The following WWTR1 variants were observed in gnomAD, a reference collection of about 807,000 sequenced individuals.
The protein encoded by WWTR1 is WW domain containing transcription regulator 1.
A neutral mutation model predicts 40.1 loss-of-function variants in WWTR1; 13 were observed. The ratio of observed to expected loss-of-function variants is 0.32; its 90% CI spans 0.21 to 0.52. The LOEUF (loss-of-function observed/expected upper bound fraction) is 0.52, where lower values mean the gene tolerates loss of function less well. Among genes scored for constraint, WWTR1 ranks in the 20% least tolerant of loss-of-function variants. The probability of loss-of-function intolerance (pLI) is 0.97; values close to 1 mark genes in which losing one functional copy is unlikely to be tolerated. For synonymous variants in WWTR1, 230 were observed against 210.1 expected, an observed-to-expected ratio of 1.09 and a Z score of -0.82; for missense variants, 436 against 523.1, an observed-to-expected ratio of 0.83 and a Z score of 1.63.
intron 2 of WWTR1, among the ~76,000 whole-genome samples, chr3:149,597,364 A>G (rs760467929): frequency 6.6e-6 from 1 of 150,416 alleles, no homozygotes; most frequent in African/African-American, 2.4e-5. Context: ...TGGAATGCCA[A>G]GATGGGTGAT....
At chr3:149,571,267 G>A (rs1035959081) in intron 3 of WWTR1, among the ~76,000 whole-genome samples, 4 of 105,586 alleles carry the variant, frequency 3.8e-5, no homozygotes, top group Admixed American at 1.2e-4. Flanking sequence ...ATTTTTTTCC[G>A]ATTATAATTG....
At chr3:149,660,842 T>C (rs556401801), upstream of WWTR1, among the ~76,000 whole-genome samples, 1 of 152,370 alleles carries the variant, frequency 6.6e-6, no homozygotes, top group Admixed American at 6.5e-5. Flanking sequence ...TGCTACATTA[T>C]GCAAGTAGCT....
In WWTR1 at chr3:149,656,775, TCTCTCTCTCTCTCTCTCACA is replaced by T. The variant is rs1713236104; in HGVS notation, c.431+81_431+100del. 5.9e-6 allele frequency: 6 copies of T among 1,016,690 alleles called. No individual in the cohort carries two copies. In the African/African-American group the frequency reaches 9.0e-5, roughly 15 times the overall value. The allele number at this position is 1,016,690 out of a possible 1,614,324, so 63.0% of individuals were successfully genotyped here. ...CACCATCTCTCTCTTTCTCTCTCTC[TCTCTCTCTCTCTCTCTCACA>T]CACACACACACACACACACGAACAC... On this transcript the variant is annotated intron_variant, in intron 2 of 6. Coordinates refer to ENST00000360632, the MANE Select transcript of WWTR1 (RefSeq NM_015472.6).
chr3:149,610,158 A>G (rs1331085406), intron 2 of WWTR1, among the ~76,000 whole-genome samples: 1 of 152,244 alleles, frequency 6.6e-6, no homozygotes, highest in Non-Finnish European at 1.5e-5. Context: ...CTGCCATTAT[A>G]TACTATACAT....
intron 2 of WWTR1, among the ~76,000 whole-genome samples, chr3:149,665,227 C>CTTTCTT (rs1713765091): frequency 7.8e-6 from 1 of 128,278 alleles, no homozygotes; most frequent in African/African-American, 2.9e-5. Context: ...TCCTTTCTTT[C>CTTTCTT]TTTTTTTTTT....
At chr3:149,615,800 G>A (rs1201398734) in intron 2 of WWTR1, among the ~76,000 whole-genome samples, 1 of 152,134 alleles carries the variant, frequency 6.6e-6, no homozygotes, top group Non-Finnish European at 1.5e-5. Context: ...GAGGGGTAGC[G>A]GCCACACCAC....
intron 1 of WWTR1, among the ~76,000 whole-genome samples, chr3:149,691,378 C>CT (rs1008471265): frequency 2.4e-3 from 356 of 147,198 alleles, no homozygotes; most frequent in African/African-American, 5.7e-3. Flanking sequence ...ATGAAAATTT[C>CT]TTTTTTTTTT....
At chr3:149,663,917 C>A (rs1007122797) in intron 2 of WWTR1, among the ~76,000 whole-genome samples, 4 of 152,224 alleles carry the variant, frequency 2.6e-5, no homozygotes, top group Admixed American at 6.5e-5. Flanking sequence ...AAGAGAACTT[C>A]ACTTTCTTTT....
At chr3:149,635,280 A>G (rs1213971702) in intron 2 of WWTR1, among the ~76,000 whole-genome samples, 18 of 152,192 alleles carry the variant, frequency 1.2e-4, no homozygotes. Flanking sequence ...ATCTCCCTTC[A>G]AAGTGATGAA....
chr3:149,693,866 A>C (rs1714897855), intron 1 of WWTR1, among the ~76,000 whole-genome samples: 1 of 152,212 alleles, frequency 6.6e-6, no homozygotes. Context: ...TGATATATAA[A>C]AATCAAATAT....
chr3:149,562,918 C>T (rs568724117), intron 3 of WWTR1, among the ~76,000 whole-genome samples: 83 of 152,130 alleles, frequency 5.5e-4, no homozygotes, highest in African/African-American at 1.9e-3. Context: ...AGCAATATTA[C>T]CAGGGACGCC....
intron 3 of WWTR1, chr3:149,724,612 A>G (rs1176450282): frequency 6.6e-6 from 1 of 152,178 alleles, no homozygotes; most frequent in East Asian, 1.9e-4. Context: ...ATGTGATTTC[A>G]GAAGGTTCAT....
At chr3:149,704,740 A>G (rs1160058825), upstream of WWTR1, among the ~76,000 whole-genome samples, 2 of 152,000 alleles carry the variant, frequency 1.3e-5, no homozygotes, top group Non-Finnish European at 2.9e-5. Flanking sequence ...AGCTTCATCC[A>G]TGGCACAGAG....
At chr3:149,699,317 G>T (rs1267699914) in intron 1 of WWTR1, among the ~76,000 whole-genome samples, 1 of 147,888 alleles carries the variant, frequency 6.8e-6, no homozygotes, top group African/African-American at 2.5e-5. Flanking sequence ...TTTTGAGATG[G>T]AGTTTCGCTC....
At chr3:149,640,249 C>T (rs1420703639) in intron 2 of WWTR1, among the ~76,000 whole-genome samples, 3 of 152,154 alleles carry the variant, frequency 2.0e-5, no homozygotes. Context: ...CACCCAATCT[C>T]CTCTGCTCAA....
intron 2 of WWTR1, among the ~76,000 whole-genome samples, chr3:149,650,525 T>C (rs1372306110): frequency 1.3e-5 from 2 of 152,214 alleles, no homozygotes; most frequent in Non-Finnish European, 2.9e-5. Context: ...AAGTTCCATA[T>C]GCATATAATT....
chr3:149,716,319 G>T (rs1376006457), intron 5 of WWTR1, among the ~76,000 whole-genome samples: 1 of 151,110 alleles, frequency 6.6e-6, no homozygotes, highest in Non-Finnish European at 1.5e-5. Context: ...AAGGCAGAGG[G>T]TGCAGTGAGC....
At chr3:149,571,966 G>A (rs1047783232) in intron 3 of WWTR1, among the ~76,000 whole-genome samples, 12 of 152,110 alleles carry the variant, frequency 7.9e-5, no homozygotes, top group Non-Finnish European at 1.2e-4. Flanking sequence ...ATCTCTAGTG[G>A]GGATAATTTT....
At chr3:149,713,542 G>A (rs913311057) in intron 5 of WWTR1, among the ~76,000 whole-genome samples, 5 of 151,854 alleles carry the variant, frequency 3.3e-5, no homozygotes, top group African/African-American at 9.7e-5. Flanking sequence ...CACCACGCCC[G>A]ACTAATTTTT....
Sources: gnomAD v4.1 joint callset for allele counts (sites outside exome capture counted in the v4.1 genomes callset) on GRCh38, gnomAD v4.1.1 for gene constraint, MANE v1.5 for transcripts, NCBI Gene and HGNC (gene_info 2026-07-23, HGNC 2026-07-21) for gene names.